Variants in ETV1 observed in about 807,000 individuals in gnomAD.
ETV1 encodes the protein ETS translocation variant 1.
A neutral mutation model predicts 62.3 loss-of-function variants in ETV1; 27 were observed. That is an observed-to-expected ratio of 0.43 (90% CI 0.32 to 0.60). ETV1 has a LOEUF of 0.60. Ranked by LOEUF, ETV1 falls within the 20% of genes least tolerant of loss-of-function variation. ETV1 has a pLI of 0.06. For missense variants in ETV1, 605 were observed against 605.8 expected (o/e 1.00, Z 0.01); for synonymous variants, 222 against 199.6 (o/e 1.11, Z -0.94).
At chr7:13,988,840 T>A (rs1410922972) in intron 3 of ETV1, 168 bp downstream of exon 3, 1 of 1,596,078 alleles carries the variant, frequency 6.3e-7, no homozygotes, top group Non-Finnish European at 8.5e-7. Context: ...AAAGGTAAGC[T>A]CATTTTGAAG....
At chr7:13,959,633 C>T (rs1211548136) in intron 6 of ETV1, among the ~76,000 whole-genome samples, 1 of 151,978 alleles carries the variant, frequency 6.6e-6, no homozygotes, top group Admixed American at 6.6e-5. Context: ...CCTGTAATCC[C>T]AGCACTTTGC....
At chr7:13,976,307 A>C (rs1781446579) in intron 6 of ETV1, among the ~76,000 whole-genome samples, 1 of 152,206 alleles carries the variant, frequency 6.6e-6, no homozygotes, top group Admixed American at 6.5e-5. Flanking sequence ...TTGTACAACA[A>C]TGTGAATGTA....
intron 9 of ETV1, among the ~76,000 whole-genome samples, chr7:13,915,249 TTGA>T (rs1336748002): frequency 1.3e-5 from 2 of 152,180 alleles, no homozygotes; most frequent in Non-Finnish European, 2.9e-5. Flanking sequence ...CTATTGTATA[TTGA>T]TGATTTCTAA....
upstream of ETV1, among the ~76,000 whole-genome samples, chr7:13,990,871 C>A (rs1025069319): frequency 6.6e-6 from 1 of 152,154 alleles, no homozygotes; most frequent in African/African-American, 2.4e-5. Flanking sequence ...AGGAAACGTG[C>A]TGCAGTTCTC....
In ETV1 at chr7:13,911,501, A is replaced by G. The variant is rs138111676; in HGVS notation, c.803-194T>C. Among the ~76,000 whole-genome samples, 172 of 152,316 alleles carry G rather than the reference A, an allele frequency of 1.1e-3. 1 individual carries two copies. Among genetic ancestry groups the G allele is most frequent in the Admixed American group, 2.9e-3 (44 of 15,296 alleles). ...GAATGAAGAGTATATATCTTGGTGAATGCTGATTCTCTTGAATAGGAAGGT... is the reference window on the plus strand; with the variant it reads ...GAATGAAGAGTATATATCTTGGTGAGTGCTGATTCTCTTGAATAGGAAGGT... On this transcript the variant is annotated intron_variant, in intron 9 of 13. Transcript: ENST00000430479.
At chr7:13,897,159 T>C (rs1165837114) in intron 13 of ETV1, among the ~76,000 whole-genome samples, 1 of 147,278 alleles carries the variant, frequency 6.8e-6, no homozygotes, top group Non-Finnish European at 1.5e-5. Context: ...GGTGGGGGGA[T>C]GGGTGGATGA....
intron 9 of ETV1, among the ~76,000 whole-genome samples, chr7:13,922,528 T>C (rs1784966739): frequency 6.6e-6 from 1 of 152,178 alleles, no homozygotes; most frequent in Non-Finnish European, 1.5e-5. Flanking sequence ...GGAGAATTGC[T>C]TGAGGCCAAG....
At chr7:13,912,588 A>G (rs1783671610) in intron 9 of ETV1, among the ~76,000 whole-genome samples, 1 of 152,238 alleles carries the variant, frequency 6.6e-6, no homozygotes, top group Non-Finnish European at 1.5e-5. Context: ...GAACTCAAAA[A>G]AGCAATGGAT....
At chr7:13,939,055 A>G (rs1357201965) in intron 7 of ETV1, 62 bp downstream of exon 7, 6 of 1,512,270 alleles carry the variant, frequency 4.0e-6, no homozygotes, top group African/African-American at 1.4e-5. Flanking sequence ...ATTTCATATT[A>G]TTCTGGACTT....
chr7:13,911,060 C>G (rs1462537006), intron 10 of ETV1, among the ~76,000 whole-genome samples, 179 bp downstream of exon 10: 1 of 152,152 alleles, frequency 6.6e-6, no homozygotes, highest in Non-Finnish European at 1.5e-5. Context: ...ATGTTAACAA[C>G]AAGATACCAC....
rs141546937 is a variant in ETV1, at chr7:13,944,567, C to T, written c.236-5321G>A. 3.5e-3 allele frequency among the ~76,000 whole-genome samples: 527 copies of T among 152,074 alleles called. 2 individuals are homozygous for T. Among genetic ancestry groups the T allele is most frequent in the African/African-American group, 0.012 (492 of 41,494 alleles). On this transcript the variant is annotated intron_variant, in intron 6 of 13. Transcript: ENST00000430479. ...ATTTGCTGGGGCGGGGGTGGTGAGA[C>T]GGGGACACAAACATTCAGTCTACTG...
chr7:13,950,801 G>A (rs1339389853), intron 6 of ETV1, among the ~76,000 whole-genome samples: 1 of 151,784 alleles, frequency 6.6e-6, no homozygotes, highest in Non-Finnish European at 1.5e-5. Flanking sequence ...ACATTTCTTT[G>A]TTTCAGAGTG....
At chr7:13,966,349 A>G (rs1236704864) in intron 6 of ETV1, among the ~76,000 whole-genome samples, 1 of 152,108 alleles carries the variant, frequency 6.6e-6, no homozygotes, top group East Asian at 1.9e-4. Context: ...GTATAAAATT[A>G]AGTCCGGGTG....
chr7:13,990,520 T>A (rs954576055), upstream of ETV1: 2 of 152,274 alleles, frequency 1.3e-5, no homozygotes, highest in Non-Finnish European at 2.9e-5. Context: ...GAGCTTTTGT[T>A]ATGTATACAC....
intron 12 of ETV1, among the ~76,000 whole-genome samples, chr7:13,905,281 G>C (rs912054811): frequency 6.6e-6 from 1 of 152,066 alleles, no homozygotes; most frequent in Non-Finnish European, 1.5e-5. Flanking sequence ...CAAGGGTGTG[G>C]ATGTTCAGTG....
intron 6 of ETV1, among the ~76,000 whole-genome samples, chr7:13,969,365 A>T (rs575570664): frequency 1.3e-5 from 2 of 152,340 alleles, no homozygotes; most frequent in East Asian, 3.9e-4. Flanking sequence ...AGTATATTTT[A>T]AAAATAAGAT....
rs184690324 is a variant in ETV1 at position 13,989,615 on chromosome 7, A to T, written c.-337T>A. 3.5e-5 allele frequency: 14 copies of T among 399,098 alleles called. No individual in the cohort carries two copies. The East Asian group carries it at 4.3e-4, about 12-fold the overall frequency. The allele number at this position is 399,098 out of a possible 1,614,324, so 24.7% of individuals were successfully genotyped here. On this transcript the variant is annotated 5_prime_UTR_variant, in exon 1 of 14. Transcript: ENST00000430479. ...CAAAAACTTCCCTCCAAATTTAATA[A>T]AAACATTAATTATAGCCCAGCACTT...
At chr7:13,912,940 G>A (rs538257174) in intron 9 of ETV1, among the ~76,000 whole-genome samples, 13 of 152,244 alleles carry the variant, frequency 8.5e-5, no homozygotes, top group South Asian at 8.3e-4. Context: ...GGTTAATTAG[G>A]AGCCATAAAC....
At chr7:13,901,647 G>C (rs1583562461) in intron 12 of ETV1, among the ~76,000 whole-genome samples, 1 of 152,086 alleles carries the variant, frequency 6.6e-6, no homozygotes. Context: ...TGTAGCAGAG[G>C]AAACAGTACA....
Sources: allele counts gnomAD v4.1 joint callset (sites outside exome capture counted in the v4.1 genomes callset), GRCh38; gene constraint gnomAD v4.1.1; transcripts MANE v1.5; gene names NCBI Gene and HGNC (gene_info 2026-07-23, HGNC 2026-07-21).